CADM2: variants seen among roughly 807,000 people sequenced by gnomAD.
The protein encoded by CADM2 is cell adhesion molecule 2, also known as immunoglobulin superfamily member 4D.
A neutral mutation model predicts 49.8 loss-of-function variants in CADM2; 12 were observed. That is an observed-to-expected ratio of 0.24 (90% CI 0.15 to 0.39). The LOEUF is 0.39. Ranked by LOEUF, CADM2 falls within the 10% of genes least tolerant of loss-of-function variation. CADM2 has a pLI of 1.00. For missense variants in CADM2, 378 were observed against 492.3 expected, an observed-to-expected ratio of 0.77 and a Z score of 2.20; for synonymous variants, 214 against 175.4, an observed-to-expected ratio of 1.22 and a Z score of -1.74.
At chr3:85,042,669 G>T (rs2035487819) in intron 1 of CADM2, among the ~76,000 whole-genome samples, 1 of 152,150 alleles carries the variant, frequency 6.6e-6, no homozygotes, top group Admixed American at 6.6e-5. Context: ...CATTACAGCA[G>T]AACAGTTTTG....
chr3:85,144,800 ACAT>A lies in CADM2; in HGVS notation c.61+185136_61+185138del, dbSNP rs535688558. ...AAGTGATTTGAAAGATCAATTTCAG[ACAT>A]CATAATTACTGGTAAAAATTACAAG... On this transcript the variant is annotated intron_variant, in intron 1 of 9. Transcript: ENST00000383699. Among the ~76,000 whole-genome samples, 19 of 152,324 alleles carry A rather than the reference ACAT, an allele frequency of 1.2e-4. No homozygotes were observed. In the East Asian group the frequency reaches 3.3e-3, roughly 26 times the overall value.
At chr3:85,939,292 G>A (rs1225321977) in intron 7 of CADM2, among the ~76,000 whole-genome samples, 1 of 151,998 alleles carries the variant, frequency 6.6e-6, no homozygotes, top group East Asian at 1.9e-4. Context: ...TTCCTTAAAA[G>A]AGAGATTACT....
At chr3:85,580,105 A>G (rs6549042) in intron 1 of CADM2, among the ~76,000 whole-genome samples, 78,029 of 151,970 alleles carry the variant, frequency 0.51, 23,062 homozygotes, top group East Asian at 0.85. Flanking sequence ...GTTTACACCA[A>G]TTATTTCAAA....
At chr3:85,931,876 T>G (rs1720641932) in intron 6 of CADM2, among the ~76,000 whole-genome samples, 2 of 151,584 alleles carry the variant, frequency 1.3e-5, no homozygotes, top group African/African-American at 4.8e-5. Context: ...AATTTTAAAA[T>G]TTAAAATTAT....
chr3:85,706,058 A>G (rs1237488655), intron 1 of CADM2, among the ~76,000 whole-genome samples: 1 of 152,112 alleles, frequency 6.6e-6, no homozygotes, highest in African/African-American at 2.4e-5. Flanking sequence ...TTTATAGATT[A>G]TTTGTCATTT....
intron 3 of CADM2, among the ~76,000 whole-genome samples, chr3:85,882,203 AG>A (rs1712916002): frequency 7.5e-6 from 1 of 132,610 alleles, no homozygotes; most frequent in Admixed American, 9.8e-5. Flanking sequence ...ACACACTGCT[AG>A]AGCTGCTTAT....
In CADM2 at chr3:85,887,303, G is replaced by A. The variant is rs143692298; in HGVS notation, c.529+976G>A. Among the ~76,000 whole-genome samples, 680 of 151,984 alleles carry A rather than the reference G, an allele frequency of 4.5e-3. 4 individuals carry two copies. Among genetic ancestry groups the A allele is most frequent in the African/African-American group, 0.015 (612 of 41,468 alleles). On this transcript the variant is annotated intron_variant, in intron 5 of 9. Coordinates refer to ENST00000383699, the MANE Select transcript of CADM2 (RefSeq NM_001167675.2). ...GTGCTGTGTTGCCTAGGCTGGTCTCGAACTTCTGGGCTAAAGTGACCCTCC... is the reference window on the plus strand; with the variant it reads ...GTGCTGTGTTGCCTAGGCTGGTCTCAAACTTCTGGGCTAAAGTGACCCTCC...
At chr3:85,382,193 A>T (rs140650888) in intron 1 of CADM2, among the ~76,000 whole-genome samples, 1 of 152,156 alleles carries the variant, frequency 6.6e-6, no homozygotes, top group Non-Finnish European at 1.5e-5. Flanking sequence ...AAAAAACATA[A>T]ACAGAATAAA....
chr3:85,524,673 T>A (rs2061117930), intron 1 of CADM2, among the ~76,000 whole-genome samples: 1 of 152,186 alleles, frequency 6.6e-6, no homozygotes, highest in Non-Finnish European at 1.5e-5. Flanking sequence ...GTCTACTATA[T>A]CTTTACTGAT....
At chr3:85,581,244 CA>C (rs1396270291) in intron 1 of CADM2, among the ~76,000 whole-genome samples, 1 of 151,930 alleles carries the variant, frequency 6.6e-6, no homozygotes, top group African/African-American at 2.4e-5. Context: ...AATCAACAAA[CA>C]ACAGAAATAT....
chr3:85,044,933 C>T (rs2035589283), intron 1 of CADM2, among the ~76,000 whole-genome samples: 2 of 151,610 alleles, frequency 1.3e-5, no homozygotes, highest in African/African-American at 4.9e-5. Context: ...CAAAGAATGT[C>T]CTTTGGTTCA....
intron 1 of CADM2, among the ~76,000 whole-genome samples, chr3:85,534,890 G>A (rs1015520522): frequency 3.3e-5 from 5 of 152,170 alleles, no homozygotes; most frequent in Admixed American, 1.3e-4. Context: ...GGCTACTTTT[G>A]TTGTTTATGT....
intron 1 of CADM2, among the ~76,000 whole-genome samples, chr3:85,012,619 A>G (rs1576030609): frequency 4.0e-5 from 6 of 151,184 alleles, no homozygotes; most frequent in Non-Finnish European, 7.4e-5. Context: ...AAGATAACAC[A>G]TAACCATTTA....
intron 1 of CADM2, among the ~76,000 whole-genome samples, chr3:85,709,174 T>C (rs2067038843): frequency 6.6e-6 from 1 of 152,178 alleles, no homozygotes. Flanking sequence ...ACTTGGCTTT[T>C]AAGTTGAAAA....
At chr3:85,418,774 T>G (rs2036025631) in intron 1 of CADM2, among the ~76,000 whole-genome samples, 1 of 152,124 alleles carries the variant, frequency 6.6e-6, no homozygotes, top group Non-Finnish European at 1.5e-5. Context: ...TCAAGTTAAT[T>G]TTTGCAATGG....
At chr3:85,142,126 T>A (rs1420445835) in intron 1 of CADM2, among the ~76,000 whole-genome samples, 2 of 152,184 alleles carry the variant, frequency 1.3e-5, no homozygotes, top group African/African-American at 4.8e-5. Flanking sequence ...TAATTGCGGT[T>A]TTTACCATTA....
intron 3 of CADM2, among the ~76,000 whole-genome samples, chr3:85,875,806 A>T (rs1435991260): frequency 6.6e-6 from 1 of 152,184 alleles, no homozygotes; most frequent in Non-Finnish European, 1.5e-5. Flanking sequence ...TGTGTGGGTA[A>T]CCTTAAAGAA....
intron 1 of CADM2, among the ~76,000 whole-genome samples, chr3:85,318,356 A>G (rs531410839): frequency 2.5e-4 from 38 of 152,134 alleles, no homozygotes; most frequent in Non-Finnish European, 4.9e-4. Flanking sequence ...GGCAATATTC[A>G]AGATAATGGC....
chr3:85,906,772 G>A (rs1716861833), intron 5 of CADM2, among the ~76,000 whole-genome samples: 1 of 152,154 alleles, frequency 6.6e-6, no homozygotes, highest in Non-Finnish European at 1.5e-5. Context: ...ACTATGTTTG[G>A]TCTAGAGACA....
Sources: gnomAD v4.1 joint callset for allele counts (sites outside exome capture counted in the v4.1 genomes callset) on GRCh38, gnomAD v4.1.1 for gene constraint, MANE v1.5 for transcripts, NCBI Gene and HGNC (gene_info 2026-07-23, HGNC 2026-07-21) for gene names.